The following SMAD2 variants were observed in gnomAD, a reference collection of about 807,000 sequenced individuals.
SMAD2 encodes the protein MAD homolog 2.
A neutral mutation model predicts 64.4 loss-of-function variants in SMAD2; 8 were observed. The ratio of observed to expected loss-of-function variants is 0.12; its 90% CI spans 0.07 to 0.22. The LOEUF is 0.22. Among genes scored for constraint, SMAD2 ranks in the 10% least tolerant of loss-of-function variants. The pLI is 1.00. For synonymous variants in SMAD2, 203 were observed against 195.8 expected (o/e 1.04, Z -0.31); for missense variants, 289 against 561.2 (o/e 0.51, Z 4.90).
chr18:47,868,303 G>C lies in SMAD2; in HGVS notation c.655+20C>G, dbSNP rs2144372441. 1.2e-6 allele frequency: 2 copies of C among 1,606,508 alleles called. No individual in the cohort carries two copies. Among genetic ancestry groups the C allele is most frequent in the Non-Finnish European group, 1.7e-6 (2 of 1,173,570 alleles). The stretch of plus-strand genomic sequence containing the variant: ...ATTTGTATCTATCCAAGTTTTAGGA[G>C]ATTCAGAAGGCAAAAATACCTGGAA... On this transcript the variant is annotated intron_variant, in intron 5 of 10. Transcript: ENST00000262160.
Position 47,832,289 on chromosome 18 carries a change from G to A in SMAD2, c.*9538C>T, listed in dbSNP as rs942749566. 6.6e-6 allele frequency: 1 copy of A among 152,192 alleles called. No homozygotes were observed. The highest frequency in any genetic ancestry group is 1.5e-5 in the Non-Finnish European group (1 of 68,034). 9.4% of individuals were successfully genotyped at this position (152,192 alleles called of 1,614,324 possible). On this transcript the variant is annotated 3_prime_UTR_variant, in exon 11 of 11. Transcript: ENST00000262160. ...CAGTGACAGGCAAAGCCAGGCTGAG[G>A]TGACAATGTAGAAGGATCTCGAGTC...
Position 47,841,703 on chromosome 18 carries a change from G to C in SMAD2, c.*124C>G. 1.9e-6 allele frequency: 2 copies of C among 1,031,748 alleles called. No individual in the cohort carries two copies. The allele number at this position is 1,031,748 out of a possible 1,614,324, so 63.9% of individuals were successfully genotyped here. On this transcript the variant is annotated 3_prime_UTR_variant, in exon 11 of 11. Coordinates refer to ENST00000262160, the MANE Select transcript of SMAD2 (RefSeq NM_005901.6). ...TTCCACAAGGTGCTTTAATTGATGAGACCTCAAGTGCTGTTTTCTCTCTTG... is the reference window on the plus strand; with the variant it reads ...TTCCACAAGGTGCTTTAATTGATGACACCTCAAGTGCTGTTTTCTCTCTTG...
chr18:47,869,164 T>C, intron 4 of SMAD2, 79 bp downstream of exon 4: 1 of 1,001,042 alleles, frequency 1.0e-6, no homozygotes, highest in Non-Finnish European at 1.5e-6. Flanking sequence ...AAAATTTTCC[T>C]GGGTCACAAG....
Position 47,840,988 on chromosome 18 carries a change from G to A in SMAD2, c.*839C>T, listed in dbSNP as rs1203991885. On this transcript the variant is annotated 3_prime_UTR_variant, in exon 11 of 11. Transcript: ENST00000262160. ...GACTTTCTCCATATGAATTCTTACTGTATCCCAGAATTAACTGGTGCCAGC... is the reference window on the plus strand; with the variant it reads ...GACTTTCTCCATATGAATTCTTACTATATCCCAGAATTAACTGGTGCCAGC... The A allele has an allele frequency of 1.3e-5, 3 of 232,312 alleles. No homozygotes were observed. Among genetic ancestry groups the A allele is most frequent in the East Asian group, 6.0e-5 (1 of 16,536 alleles). 14.4% of individuals were successfully genotyped at this position (232,312 alleles called of 1,614,324 possible).
chr18:47,901,676 A>G lies in SMAD2; in HGVS notation c.-53-4867T>C, dbSNP rs577171028. Reference sequence around the variant, plus strand: ...CTTTTACTACTTCCTCTATAATGCCAGAATCATAGAACACTGCTGAGTAGC... The same window carrying G: ...CTTTTACTACTTCCTCTATAATGCCGGAATCATAGAACACTGCTGAGTAGC... On this transcript the variant is annotated intron_variant, in intron 1 of 10. Transcript: ENST00000262160. Among the ~76,000 whole-genome samples the G allele has an allele frequency of 5.3e-5, 8 of 152,338 alleles. No individual in the cohort carries two copies. The East Asian group carries it at 1.3e-3, about 26-fold the overall frequency.
At chr18:47,894,780 T>G (rs1325343066) in intron 2 of SMAD2, among the ~76,000 whole-genome samples, 2 of 152,206 alleles carry the variant, frequency 1.3e-5, no homozygotes, top group Non-Finnish European at 2.9e-5. Flanking sequence ...ACACTGTATC[T>G]TAACTCCAGT....
rs754682352 is a variant in SMAD2, at chr18:47,851,231, GATACAGT to G, written c.784+36_784+42del. On this transcript the variant is annotated intron_variant, in intron 7 of 10. Transcript: ENST00000262160. ...AGATGATTTTTATTATTAAGTAGGT[GATACAGT>G]ATAAAAATGATGAGGGGAACATATG... is the stretch of plus-strand genomic sequence containing the variant. The G allele has an allele frequency of 5.3e-6, 7 of 1,308,978 alleles. No homozygotes were observed. In the South Asian group the frequency reaches 7.1e-5, roughly 13 times the overall value. The allele number at this position is 1,308,978 out of a possible 1,614,324, so 81.1% of individuals were successfully genotyped here.
intron 1 of SMAD2, among the ~76,000 whole-genome samples, chr18:47,902,186 C>G (rs1242966225): frequency 6.6e-6 from 1 of 152,100 alleles, no homozygotes; most frequent in Non-Finnish European, 1.5e-5. Flanking sequence ...TACTCTGTAC[C>G]CAGGAAAAAC....
At chr18:47,862,118 GA>G (rs1598790529) in intron 6 of SMAD2, among the ~76,000 whole-genome samples, 2 of 152,024 alleles carry the variant, frequency 1.3e-5, no homozygotes, top group Admixed American at 1.3e-4. Flanking sequence ...TTTACAAGAA[GA>G]AAAAATTAAA....
At chr18:47,877,050 T>C (rs2032304854) in intron 2 of SMAD2, among the ~76,000 whole-genome samples, 1 of 152,142 alleles carries the variant, frequency 6.6e-6, no homozygotes, top group African/African-American at 2.4e-5. Flanking sequence ...TTACTGTTCC[T>C]ACCATATCTG....
chr18:47,832,136 C>T lies in SMAD2; in HGVS notation c.*9691G>A, dbSNP rs879921411. 3.9e-5 allele frequency: 6 copies of T among 152,172 alleles called. No individual in the cohort carries two copies. The highest frequency in any genetic ancestry group is 1.9e-4 in the East Asian group (1 of 5,198). 9.4% of individuals were successfully genotyped at this position (152,172 alleles called of 1,614,324 possible). A position where few individuals can be genotyped will look rare whatever the true frequency, so the allele number is the denominator to read the frequency against. On this transcript the variant is annotated 3_prime_UTR_variant, in exon 11 of 11. Coordinates refer to ENST00000262160, the MANE Select transcript of SMAD2 (RefSeq NM_005901.6). Reference sequence around the variant, plus strand: ...AAACAGAATATGCCAAGTGGGGAGACAGCCCAAACATAGACCTTAATACTT... The same window carrying T: ...AAACAGAATATGCCAAGTGGGGAGATAGCCCAAACATAGACCTTAATACTT...
intron 1 of SMAD2, among the ~76,000 whole-genome samples, chr18:47,911,763 A>G (rs2034145100): frequency 6.6e-6 from 1 of 152,366 alleles, no homozygotes; most frequent in Non-Finnish European, 1.5e-5. Flanking sequence ...TAAACTGTCT[A>G]TAGTGGTAGA....
In SMAD2 at chr18:47,826,979, T is replaced by G. The variant is rs1343101470; in HGVS notation, c.*14848A>C. The G allele has an allele frequency of 6.6e-6, 1 of 152,196 alleles. No individual in the cohort carries two copies. The highest frequency in any genetic ancestry group is 1.5e-5 in the Non-Finnish European group (1 of 68,038). 9.4% of individuals were successfully genotyped at this position (152,196 alleles called of 1,614,324 possible). A position where few individuals can be genotyped will look rare whatever the true frequency, so the allele number is the denominator to read the frequency against. On this transcript the variant is annotated 3_prime_UTR_variant, in exon 11 of 11. Transcript: ENST00000262160. ...GGAAATGAAGAACTTTAAGGTAGAC[T>G]GATGAAAAGATTTATCTAAAGTCAC...
intron 1 of SMAD2, among the ~76,000 whole-genome samples, chr18:47,903,346 T>C (rs2144494789): frequency 6.9e-6 from 1 of 145,490 alleles, no homozygotes; most frequent in African/African-American, 2.6e-5. Context: ...CACAAAAGCT[T>C]GGAGGCAGGA....
rs547697093 is a variant in SMAD2 at position 47,871,919 on chromosome 18, C to G, written c.237-1355G>C. ...AAGAAATGGTATACAGGAGACTATT[C>G]TTTGAAAATAATTAACAAAAGTGTA... On this transcript the variant is annotated intron_variant, in intron 2 of 10. Transcript: ENST00000262160. Among the ~76,000 whole-genome samples, 9 of 152,206 alleles carry G rather than the reference C, an allele frequency of 5.9e-5. No homozygotes were observed. The East Asian group carries it at 7.7e-4, about 13-fold the overall frequency.
rs1015653001 is a variant in SMAD2 at position 47,814,597 on chromosome 18, G to A, written c.*27230C>T. The A allele has an allele frequency of 2.6e-5, 4 of 152,226 alleles. No homozygotes were observed. Among genetic ancestry groups the A allele is most frequent in the African/African-American group, 9.7e-5 (4 of 41,438 alleles). The allele number at this position is 152,226 out of a possible 1,614,324, so 9.4% of individuals were successfully genotyped here. On this transcript the variant is annotated 3_prime_UTR_variant, in exon 11 of 11. Transcript: ENST00000262160. ...GAAATAAACGGAAACTTCAGGATGGGTATGCGAGTCTTGGAGCAGCAGGGT... is the reference window on the plus strand; with the variant it reads ...GAAATAAACGGAAACTTCAGGATGGATATGCGAGTCTTGGAGCAGCAGGGT...
chr18:47,868,551 C>A, intron 4 of SMAD2, 94 bp from the exon 5 acceptor site: 1 of 1,010,394 alleles, frequency 9.9e-7, no homozygotes. Flanking sequence ...GAAGTTGTAG[C>A]TTAATTTTTA....
At chr18:47,916,470 G>A (rs1317406572) in intron 1 of SMAD2, among the ~76,000 whole-genome samples, 1 of 152,148 alleles carries the variant, frequency 6.6e-6, no homozygotes, top group Non-Finnish European at 1.5e-5. Flanking sequence ...AGGCTGGAGT[G>A]CAGTGGCACG....
At chr18:47,891,461 G>A (rs1013364524) in intron 2 of SMAD2, among the ~76,000 whole-genome samples, 3 of 151,982 alleles carry the variant, frequency 2.0e-5, no homozygotes, top group African/African-American at 4.8e-5. Context: ...TTTTTCCACC[G>A]TATAATCATG....
Sources: gnomAD v4.1 joint callset for allele counts (sites outside exome capture counted in the v4.1 genomes callset) on GRCh38, gnomAD v4.1.1 for gene constraint, MANE v1.5 for transcripts, NCBI Gene and HGNC (gene_info 2026-07-23, HGNC 2026-07-21) for gene names.